Variants in TOPBP1 observed in about 807,000 individuals in gnomAD.
TOPBP1 encodes DNA topoisomerase II binding protein 1.
A neutral mutation model predicts 167.7 loss-of-function variants in TOPBP1; 28 were observed. The observed-to-expected ratio is 0.17, with a 90% confidence interval of 0.12 to 0.23. The LOEUF (loss-of-function observed/expected upper bound fraction) is 0.23, where lower values mean the gene tolerates loss of function less well. TOPBP1 is among the 10% of genes least tolerant of loss of function. The pLI, the probability that TOPBP1 is intolerant of heterozygous loss-of-function variation, is 1.00. For synonymous variants in TOPBP1, 598 were observed against 611.4 expected, an observed-to-expected ratio of 0.98 and a Z score of 0.32; for missense variants, 1,554 against 1,809.6, an observed-to-expected ratio of 0.86 and a Z score of 2.56.
At chr3:133,634,576 T>A (rs973253476) in intron 14 of TOPBP1, among the ~76,000 whole-genome samples, 3 of 151,640 alleles carry the variant, frequency 2.0e-5, no homozygotes, top group African/African-American at 7.3e-5. Context: ...AAAGATGAAA[T>A]AACTTCCAAA....
chr3:133,638,356 A>G (rs1935750772), intron 13 of TOPBP1, among the ~76,000 whole-genome samples, 194 bp from the exon 14 acceptor site: 1 of 152,182 alleles, frequency 6.6e-6, no homozygotes, highest in Non-Finnish European at 1.5e-5. Context: ...TTAAATCACA[A>G]AATTATATAC....
At chr3:133,633,248 C>A (rs892405226) in intron 14 of TOPBP1, among the ~76,000 whole-genome samples, 2 of 152,196 alleles carry the variant, frequency 1.3e-5, no homozygotes, top group African/African-American at 4.8e-5. Flanking sequence ...CCACCTCCAT[C>A]ATGCCACCAA....
intron 23 of TOPBP1, among the ~76,000 whole-genome samples, chr3:133,615,511 T>C (rs184928795): frequency 4.1e-4 from 62 of 152,138 alleles, no homozygotes; most frequent in Non-Finnish European, 6.6e-4. Context: ...CAATATTTCT[T>C]AATGTTTTCT....
chr3:133,626,469 C>T (rs930230164), intron 16 of TOPBP1, among the ~76,000 whole-genome samples: 2 of 152,038 alleles, frequency 1.3e-5, no homozygotes, highest in African/African-American at 4.8e-5. Context: ...GACAAATTCA[C>T]GTATGTAAAA....
In TOPBP1 at chr3:133,651,887, T is replaced by C; in HGVS notation, c.1089+576A>G. 1.3e-5 allele frequency among the ~76,000 whole-genome samples: 2 copies of C among 152,194 alleles called. 1 individual carries two copies. Among genetic ancestry groups the C allele is most frequent in the South Asian group, 4.1e-4 (2 of 4,830 alleles). ...TATATATTAACACACATAAAATGAT[T>C]AGCACAGTGTCTAATACACTGTAAA... On this transcript the variant is annotated intron_variant, in intron 8 of 27. Transcript: ENST00000260810.
chr3:133,648,896 C>G (rs1936179124), intron 10 of TOPBP1, among the ~76,000 whole-genome samples: 2 of 151,756 alleles, frequency 1.3e-5, no homozygotes, highest in Admixed American at 1.3e-4. Flanking sequence ...ATTAAATTTA[C>G]TTAAATGTAT....
Position 133,608,898 on chromosome 3 carries a change from C to T in TOPBP1, c.4238G>A (p.Arg1413His), listed in dbSNP as rs771540888. The T allele has an allele frequency of 3.1e-6, 5 of 1,613,056 alleles. No homozygotes were observed. The highest frequency in any genetic ancestry group is 2.2e-5 in the East Asian group (1 of 44,866). The part of the protein sequence containing the change: ...VDQSREAGFK[R>H]LLQSGGAKVL... ...CTTTGCTCCTCCTGACTGAAGAAGG[C>T]GTTTGAAGCCTGCTTCTCGAGACTG... Residue 1413 changes from arginine (R) to histidine (H), a missense_variant, in exon 26 of 28, where the codon CGC (arginine) becomes CAC (histidine). Around this residue, in one of 3 missense-constraint regions of TOPBP1, gnomAD observed 351 missense variants for 432.9 expected, o/e 0.81. Coordinates refer to ENST00000260810, the MANE Select transcript of TOPBP1 (RefSeq NM_007027.4).
chr3:133,651,328 A>G (rs974993362), intron 8 of TOPBP1, among the ~76,000 whole-genome samples: 3 of 151,650 alleles, frequency 2.0e-5, no homozygotes, highest in Middle Eastern at 3.2e-3. Context: ...CTGGGATTAC[A>G]GGGGCCTGCC....
In TOPBP1 at chr3:133,657,904, A is replaced by G; in HGVS notation, c.257T>C (p.Phe86Ser). 1 of 1,594,688 alleles carries G rather than the reference A, an allele frequency of 6.3e-7. No individual in the cohort carries two copies. The highest frequency in any genetic ancestry group is 1.1e-5 in the South Asian group (1 of 87,414). Residue 86 changes from phenylalanine to serine, a missense_variant, in exon 4 of 28, where the codon TTT becomes TCT. Coordinates refer to ENST00000260810, the MANE Select transcript of TOPBP1 (RefSeq NM_007027.4). ...GACACATCGCTGGTGGTGCATACAA[A>G]ATATGACTACTTGAGGACCAACAAT... ...CRIVGPQVVI[F>S]CMHHQRCVPR... is the part of the protein sequence containing the mutation.
intron 14 of TOPBP1, among the ~76,000 whole-genome samples, chr3:133,632,106 A>G (rs1241333686): frequency 6.6e-6 from 1 of 151,408 alleles, no homozygotes; most frequent in Non-Finnish European, 1.5e-5. Flanking sequence ...AGTCAATTAA[A>G]CCTCTTTTCT....
chr3:133,661,316 G>C (rs893323000), intron 1 of TOPBP1, among the ~76,000 whole-genome samples, 182 bp from the exon 2 acceptor site: 8 of 152,198 alleles, frequency 5.3e-5, no homozygotes, highest in African/African-American at 1.9e-4. Context: ...CAAGGTAAAA[G>C]ATGACAACAC....
chr3:133,608,423 G>T, intron 27 of TOPBP1, 112 bp downstream of exon 27: 1 of 1,181,140 alleles, frequency 8.5e-7, no homozygotes. Context: ...GAGAATAACA[G>T]GAGACTAATC....
intron 8 of TOPBP1, among the ~76,000 whole-genome samples, chr3:133,651,962 T>C (rs1329355998): frequency 6.6e-6 from 1 of 152,132 alleles, no homozygotes; most frequent in Admixed American, 6.5e-5. Context: ...AGTGAGACCT[T>C]GTCTCTACAA....
At chr3:133,646,392 T>C (rs935235587) in intron 10 of TOPBP1, among the ~76,000 whole-genome samples, 2 of 152,124 alleles carry the variant, frequency 1.3e-5, no homozygotes, top group African/African-American at 4.8e-5. Context: ...GGCTCAAGCC[T>C]GTAATCCCAA....
intron 16 of TOPBP1, among the ~76,000 whole-genome samples, chr3:133,625,261 G>A (rs748183338): frequency 1.3e-5 from 2 of 152,166 alleles, no homozygotes; most frequent in African/African-American, 2.4e-5. Context: ...CACCGTGCCC[G>A]GCCGCTATTC....
intron 8 of TOPBP1, among the ~76,000 whole-genome samples, chr3:133,650,231 G>A (rs569038539): frequency 6.6e-6 from 1 of 152,140 alleles, no homozygotes; most frequent in Non-Finnish European, 1.5e-5. Context: ...CTAAATATTA[G>A]TGCATACCAA....
chr3:133,643,448 G>T, intron 11 of TOPBP1, 76 bp from the exon 12 acceptor site: 2 of 1,289,738 alleles, frequency 1.6e-6, no homozygotes, highest in Non-Finnish European at 1.0e-6. Flanking sequence ...AGGTACAGAA[G>T]CAATAATTTA....
At position 133,623,466 on chromosome 3, in the gene TOPBP1, C is replaced by T; in HGVS notation, c.2929-9G>A. The T allele has an allele frequency of 1.2e-6, 2 of 1,602,648 alleles. No homozygotes were observed. The highest frequency in any genetic ancestry group is 1.7e-6 in the Non-Finnish European group (2 of 1,173,290). ...TTACACTCTTGGGCACACTGCAATA[C>T]AATGGTGTGCTTTAAGACAGGACTG... On this transcript the variant is annotated splice_polypyrimidine_tract_variant and intron_variant, in intron 17 of 27. Coordinates refer to ENST00000260810, the MANE Select transcript of TOPBP1 (RefSeq NM_007027.4).
At chr3:133,636,309 T>C (rs1452524251) in intron 14 of TOPBP1, among the ~76,000 whole-genome samples, 3 of 152,134 alleles carry the variant, frequency 2.0e-5, no homozygotes, top group Non-Finnish European at 4.4e-5. Context: ...TGAGGCCTAA[T>C]AGATGGTCAA....
Sources: allele counts gnomAD v4.1 joint callset (sites outside exome capture counted in the v4.1 genomes callset), GRCh38; gene constraint gnomAD v4.1.1; regional missense constraint gnomAD v4.1.1; transcripts MANE v1.5; gene names NCBI Gene and HGNC (gene_info 2026-07-23, HGNC 2026-07-21).